The following ZYG11B variants were observed in gnomAD, a reference collection of about 807,000 sequenced individuals.
The protein encoded by ZYG11B is zyg-11 family member B, cell cycle regulator, also known as protein zyg-11 homolog B.
In ZYG11B, 36 loss-of-function variants were observed where a neutral mutation model predicts 82.4. That is an observed-to-expected ratio of 0.44 (90% confidence interval 0.33 to 0.58). The LOEUF (loss-of-function observed/expected upper bound fraction) is 0.58. ZYG11B is among the 20% of genes least tolerant of loss of function. The probability of loss-of-function intolerance (pLI) is 0.02; values close to 1 mark genes in which losing one functional copy is unlikely to be tolerated. For synonymous variants in ZYG11B, 303 were observed against 312.8 expected (o/e 0.97, Z 0.33); for missense variants, 552 against 895.6 (o/e 0.62, Z 4.90).
At chr1:52,769,752 C>G (rs1397420132) in intron 2 of ZYG11B, among the ~76,000 whole-genome samples, 1 of 152,202 alleles carries the variant, frequency 6.6e-6, no homozygotes, top group Non-Finnish European at 1.5e-5. Flanking sequence ...GGCAGCCTAG[C>G]TGCATTTTGA....
At chr1:52,726,830 C>T (rs907967903) in intron 1 of ZYG11B, 147 bp downstream of exon 1, 15 of 721,134 alleles carry the variant, frequency 2.1e-5, no homozygotes, top group East Asian at 3.4e-5. Flanking sequence ...ACCGCCCCCT[C>T]GGTGTTCAGC....
intron 1 of ZYG11B, among the ~76,000 whole-genome samples, chr1:52,748,571 A>G (rs1341508521): frequency 6.6e-6 from 1 of 152,236 alleles, no homozygotes; most frequent in Non-Finnish European, 1.5e-5. Flanking sequence ...GAATTTTGAA[A>G]GATGAGGCTG....
chr1:52,748,784 C>G (rs543709544), intron 1 of ZYG11B, among the ~76,000 whole-genome samples: 4 of 150,730 alleles, frequency 2.7e-5, no homozygotes, highest in Non-Finnish European at 4.4e-5. Context: ...ATCACTTGAA[C>G]TGGGAGGTGG....
intron 3 of ZYG11B, chr1:52,772,499 G>A (rs1483704582): frequency 2.2e-5 from 35 of 1,599,898 alleles, no homozygotes; most frequent in South Asian, 5.5e-5. Context: ...CGATTACACC[G>A]ATCTGTGAAG....
At chr1:52,776,229 A>AAAAAAAAAAAAAAATATATATAT in intron 3 of ZYG11B, among the ~76,000 whole-genome samples, 23 of 23,536 alleles carry the variant, frequency 9.8e-4, no homozygotes, top group African/African-American at 2.2e-3. Context: ...TAAAAAAAAA[A>AAAAAAAAAAAAAAATATATATAT]ATATATATAT....
Position 52,825,596 on chromosome 1 carries a change from C to G in ZYG11B, c.*3967C>G, listed in dbSNP as rs1645317890. The stretch of plus-strand genomic sequence containing the variant: ...ATCTAGCTTTAGGAAGTTGCCCTTA[C>G]AGGTGGGACCTTTTGTGTTAATCTG... On this transcript the variant is annotated 3_prime_UTR_variant, in exon 14 of 14. Transcript: ENST00000294353. The G allele has an allele frequency of 6.7e-6, 1 of 148,488 alleles. No individual in the cohort carries two copies. Among genetic ancestry groups the G allele is most frequent in the East Asian group, 2.0e-4 (1 of 5,082 alleles). The allele number at this position is 148,488 out of a possible 1,614,324, so 9.2% of individuals were successfully genotyped here. A position where few individuals can be genotyped will look rare whatever the true frequency, so the allele number is the denominator to read the frequency against.
chr1:52,746,687 G>GTTTTTTTTTTTTTTTTTTTTT (rs11446988), intron 1 of ZYG11B, among the ~76,000 whole-genome samples: 1 of 33,508 alleles, frequency 3.0e-5, no homozygotes, highest in Non-Finnish European at 5.1e-5. Context: ...ATCGGCCACT[G>GTTTTTTTTTTTTTTTTTTTTT]TTTTTTTTTT....
At chr1:52,774,168 C>T (rs1323814117) in intron 3 of ZYG11B, among the ~76,000 whole-genome samples, 1 of 151,374 alleles carries the variant, frequency 6.6e-6, no homozygotes, top group Non-Finnish European at 1.5e-5. Context: ...GAGGCAGGGT[C>T]TTGCCCTGTT....
intron 6 of ZYG11B, 74 bp from the exon 7 acceptor site, chr1:52,796,218 A>T: frequency 9.3e-7 from 1 of 1,079,900 alleles, no homozygotes; most frequent in South Asian, 1.3e-5. Context: ...TTGTAGCATC[A>T]GTTCCTAGCT....
At chr1:52,774,612 T>TTTTTTTTTTTC in intron 3 of ZYG11B, among the ~76,000 whole-genome samples, 1 of 72,682 alleles carries the variant, frequency 1.4e-5, no homozygotes, top group African/African-American at 3.4e-5. Context: ...TGGCCTAATT[T>TTTTTTTTTTTC]TTTTTTTTTT....
intron 5 of ZYG11B, among the ~76,000 whole-genome samples, chr1:52,787,211 C>T (rs1271866136): frequency 2.6e-5 from 4 of 152,178 alleles, no homozygotes; most frequent in Admixed American, 2.0e-4. Context: ...TACTTAGAAG[C>T]AGTGAATGAT....
chr1:52,797,426 A>ATATATTATATATC (rs1645032910), intron 8 of ZYG11B, among the ~76,000 whole-genome samples: 2 of 102,738 alleles, frequency 1.9e-5, no homozygotes, highest in East Asian at 1.2e-3. Context: ...TATTATACAT[A>ATATATTATATATC]TTATATATAA....
chr1:52,817,907 G>A (rs1387192667), intron 13 of ZYG11B, among the ~76,000 whole-genome samples: 1 of 124,780 alleles, frequency 8.0e-6, no homozygotes, highest in Non-Finnish European at 1.6e-5. Flanking sequence ...GTGCGATCTC[G>A]GCTCACCACA....
chr1:52,816,625 G>A lies in ZYG11B; in HGVS notation c.2040G>A (p.Lys680=). 1 of 1,600,772 alleles carries A rather than the reference G, an allele frequency of 6.2e-7. No individual in the cohort carries two copies. The highest frequency in any genetic ancestry group is 8.5e-7 in the Non-Finnish European group (1 of 1,174,438). ...GGGCCATGCAACATGTCTGCAGCAAGAATCGTATGTACCAAAAAAAAAGAA... is the reference window on the plus strand; with the variant it reads ...GGGCCATGCAACATGTCTGCAGCAAAAATCGTATGTACCAAAAAAAAAGAA... ...AVWAMQHVCS[K]NPSRYCSMLI... is the part of the protein sequence containing the mutation. Residue 680 remains lysine, a synonymous_variant, in exon 13 of 14, where the codon AAG becomes AAA. Transcript: ENST00000294353.
intron 10 of ZYG11B, among the ~76,000 whole-genome samples, chr1:52,808,605 A>G: frequency 6.6e-6 from 1 of 152,096 alleles, no homozygotes. Context: ...GCCTCAAGTG[A>G]TTCTCTCACC....
intron 1 of ZYG11B, among the ~76,000 whole-genome samples, chr1:52,733,286 A>T (rs1644349815): frequency 6.6e-6 from 1 of 152,182 alleles, no homozygotes; most frequent in Admixed American, 6.6e-5. Flanking sequence ...CTTAAATAGA[A>T]TGTTAGTTTT....
chr1:52,761,157 A>C (rs1357571884), intron 2 of ZYG11B, among the ~76,000 whole-genome samples: 1 of 152,204 alleles, frequency 6.6e-6, no homozygotes, highest in East Asian at 1.9e-4. Flanking sequence ...ATAAGATTGG[A>C]GTAATTAGCA....
intron 2 of ZYG11B, among the ~76,000 whole-genome samples, chr1:52,768,026 A>C (rs1644713117): frequency 6.6e-6 from 1 of 152,176 alleles, no homozygotes; most frequent in African/African-American, 2.4e-5. Flanking sequence ...CTGTGGGCAG[A>C]TTGGGGCAAG....
intron 1 of ZYG11B, among the ~76,000 whole-genome samples, chr1:52,747,262 C>T (rs1333590089): frequency 6.6e-6 from 1 of 151,518 alleles, no homozygotes; most frequent in Non-Finnish European, 1.5e-5. Flanking sequence ...TGATTCTTTA[C>T]TACATTTCAT....
Sources: gnomAD v4.1 joint callset for allele counts (sites outside exome capture counted in the v4.1 genomes callset) on GRCh38, gnomAD v4.1.1 for gene constraint, MANE v1.5 for transcripts, NCBI Gene and HGNC (gene_info 2026-07-23, HGNC 2026-07-21) for gene names.